The following ATG7 variants were observed in gnomAD, a reference collection of about 807,000 sequenced individuals.
ATG7 encodes ubiquitin-like modifier-activating enzyme ATG7.
Under a neutral mutation model 82.4 loss-of-function variants are expected in ATG7, and 70 were observed. The observed-to-expected ratio is 0.85, with a 90% CI of 0.70 to 1.04. The LOEUF (loss-of-function observed/expected upper bound fraction) is 1.04, where lower values mean the gene tolerates loss of function less well. ATG7 is among the 50% of genes least tolerant of loss of function. The pLI is 0.00. For synonymous variants in ATG7, 287 were observed against 313.0 expected (o/e 0.92, Z 0.88); for missense variants, 792 against 864.3 (o/e 0.92, Z 1.05).
At chr3:11,327,786 G>A (rs1406493944) in intron 9 of ATG7, among the ~76,000 whole-genome samples, 1 of 152,174 alleles carries the variant, frequency 6.6e-6, no homozygotes, top group Admixed American at 6.5e-5. Flanking sequence ...GGTTGAGGAG[G>A]AGCAGTGCTT....
chr3:11,289,923 A>T (rs1406201806), intron 3 of ATG7, among the ~76,000 whole-genome samples: 1 of 152,178 alleles, frequency 6.6e-6, no homozygotes, highest in Non-Finnish European at 1.5e-5. Flanking sequence ...GGAAGGAATA[A>T]GGGCAATACC....
chr3:11,530,778 C>G (rs544393904), intron 20 of ATG7, among the ~76,000 whole-genome samples: 2 of 152,078 alleles, frequency 1.3e-5, no homozygotes, highest in Non-Finnish European at 1.5e-5. Flanking sequence ...GTCAGGAGTT[C>G]GAGACCAGCC....
At chr3:11,325,862 G>T (rs764797875) in intron 9 of ATG7, among the ~76,000 whole-genome samples, 3 of 152,114 alleles carry the variant, frequency 2.0e-5, no homozygotes, top group Non-Finnish European at 4.4e-5. Flanking sequence ...TACTGCCTAG[G>T]TTCTTCCTAA....
chr3:11,375,038 TTA>T (rs1491128101), intron 18 of ATG7, among the ~76,000 whole-genome samples: 4,682 of 144,492 alleles, frequency 0.032, 159 homozygotes, highest in African/African-American at 0.072. Flanking sequence ...CTCATCTCTC[TTA>T]AAAAAAAAAA....
At chr3:11,299,162 A>G (rs897099734) in intron 4 of ATG7, 200 bp from the exon 5 acceptor site, 54 of 603,960 alleles carry the variant, frequency 8.9e-5, no homozygotes, top group South Asian at 3.6e-4. Context: ...TTCTTGGCGA[A>G]TGTCTCATAT....
the ATG7 span, among the ~76,000 whole-genome samples, chr3:11,568,351 G>A: frequency 2.0e-5 from 3 of 152,170 alleles, no homozygotes; most frequent in African/African-American, 4.8e-5. This position sits in a 1 kb window ranked among gnomAD's most constrained non-coding sequence, Gnocchi z 5.9. Flanking sequence ...TGCCAGGGCC[G>A]CCAGCTGCCA....
At chr3:11,502,901 T>C (rs1236807438) in intron 20 of ATG7, among the ~76,000 whole-genome samples, 1 of 152,210 alleles carries the variant, frequency 6.6e-6, no homozygotes, top group Non-Finnish European at 1.5e-5. Context: ...TATTCCATTT[T>C]GGAAACTGAA....
At chr3:11,485,310 C>G (rs540114178) in intron 20 of ATG7, among the ~76,000 whole-genome samples, 106 of 152,220 alleles carry the variant, frequency 7.0e-4, no homozygotes, top group African/African-American at 2.1e-3. Context: ...AGCATTTTTT[C>G]ATGTGTTTTT....
intron 20 of ATG7, among the ~76,000 whole-genome samples, chr3:11,477,760 C>T (rs766519087): frequency 7.2e-5 from 11 of 152,208 alleles, no homozygotes; most frequent in Non-Finnish European, 1.5e-4. Flanking sequence ...AACCAGGACT[C>T]AGGGCTAGGA....
At chr3:11,488,375 C>T (rs937794197) in intron 20 of ATG7, 149 of 1,043,678 alleles carry the variant, frequency 1.4e-4, no homozygotes, top group Admixed American at 1.4e-3. Context: ...GCCGGCGCGG[C>T]GGCAAAGACT....
chr3:11,560,201 G>A (rs1399372649), downstream of ATG7, among the ~76,000 whole-genome samples: 1 of 152,194 alleles, frequency 6.6e-6, no homozygotes, highest in Non-Finnish European at 1.5e-5. Context: ...GATTCAGCAA[G>A]TGCATCGGTC....
chr3:11,325,615 G>A (rs1950766820), intron 9 of ATG7, among the ~76,000 whole-genome samples: 1 of 151,774 alleles, frequency 6.6e-6, no homozygotes, highest in Admixed American at 6.6e-5. Flanking sequence ...AGGTTATGGT[G>A]AGCTGAGATC....
intron 20 of ATG7, among the ~76,000 whole-genome samples, chr3:11,458,807 C>T (rs1385994149): frequency 6.6e-6 from 1 of 152,184 alleles, no homozygotes; most frequent in Non-Finnish European, 1.5e-5. Context: ...AGTACTGGTC[C>T]GAGGCCTGTT....
chr3:11,342,824 A>T (rs548172263), intron 13 of ATG7, among the ~76,000 whole-genome samples: 1 of 151,480 alleles, frequency 6.6e-6, no homozygotes, highest in South Asian at 2.1e-4. Context: ...GTATGTTTAT[A>T]TATCCATAGG....
intron 19 of ATG7, among the ~76,000 whole-genome samples, chr3:11,406,276 C>T (rs1413545184): frequency 6.6e-6 from 1 of 152,116 alleles, no homozygotes; most frequent in African/African-American, 2.4e-5. Context: ...AGGCATGAGC[C>T]ACCATACCCA....
intron 9 of ATG7, among the ~76,000 whole-genome samples, chr3:11,326,887 C>T (rs1262882190): frequency 2.0e-5 from 3 of 152,138 alleles, no homozygotes; most frequent in South Asian, 2.1e-4. Context: ...TTCACATTCT[C>T]ACCTAGGAGA....
chr3:11,434,099 C>A (rs956186259), intron 20 of ATG7, among the ~76,000 whole-genome samples: 1 of 152,204 alleles, frequency 6.6e-6, no homozygotes, highest in Admixed American at 6.5e-5. Flanking sequence ...GTAAATAACA[C>A]AATTAACAAG....
rs1369060657 is a variant in ATG7, at chr3:11,488,429, G to A, written c.2079+61503G>A. 6.2e-5 allele frequency: 77 copies of A among 1,237,056 alleles called. 1 individual carries two copies. The highest frequency in any genetic ancestry group is 1.0e-4 in the Admixed American group (3 of 28,606). 76.6% of individuals were successfully genotyped at this position (1,237,056 alleles called of 1,614,324 possible). A position where few individuals can be genotyped will look rare whatever the true frequency, so the allele number is the denominator to read the frequency against. ...GCTGAACTCCATCCTCCCGGCGGTC[G>A]GGCAGCGGCGGCTGCGGTCGGTCGC... is the stretch of plus-strand genomic sequence containing the variant. On this transcript the variant is annotated intron_variant, in intron 20 of 20. Transcript: ENST00000693202.
chr3:11,498,811 C>T (rs1184193331), intron 20 of ATG7, among the ~76,000 whole-genome samples: 2 of 152,206 alleles, frequency 1.3e-5, no homozygotes, highest in African/African-American at 4.8e-5. Flanking sequence ...CTAGGCTGGG[C>T]TCCAGGCCAA....
Sources: allele counts gnomAD v4.1 joint callset (sites outside exome capture counted in the v4.1 genomes callset), GRCh38; gene constraint gnomAD v4.1.1; non-coding constraint Gnocchi (gnomAD v3.1); transcripts MANE v1.5; gene names NCBI Gene and HGNC (gene_info 2026-07-23, HGNC 2026-07-21).